Variants in LDLRAD4 observed in about 807,000 individuals in gnomAD.
The protein encoded by LDLRAD4 is low-density lipoprotein receptor class A domain-containing protein 4.
Under a neutral mutation model 17.0 loss-of-function variants are expected in LDLRAD4, and 5 were observed. That is an observed-to-expected ratio of 0.29 (90% CI 0.15 to 0.62). LDLRAD4 has a LOEUF of 0.62. Ranked by LOEUF, LDLRAD4 falls within the 20% of genes least tolerant of loss-of-function variation. The pLI, the probability that LDLRAD4 is intolerant of heterozygous loss-of-function variation, is 0.84. For missense variants in LDLRAD4, 340 were observed against 424.7 expected, an observed-to-expected ratio of 0.80 and a Z score of 1.75; for synonymous variants, 168 against 171.8, an observed-to-expected ratio of 0.98 and a Z score of 0.17.
chr18:13,630,480 A>G (rs1379167860), intron 4 of LDLRAD4, among the ~76,000 whole-genome samples: 1 of 152,238 alleles, frequency 6.6e-6, no homozygotes, highest in African/African-American at 2.4e-5. Context: ...CCAAAGATCA[A>G]TTTCACCTCT....
At chr18:13,428,055 G>A (rs1463921100) in intron 2 of LDLRAD4, among the ~76,000 whole-genome samples, 9 of 152,168 alleles carry the variant, frequency 5.9e-5, no homozygotes, top group South Asian at 2.1e-4. Flanking sequence ...ACACTCTGGG[G>A]ACTCATTAGT....
intron 3 of LDLRAD4, among the ~76,000 whole-genome samples, chr18:13,474,908 T>C (rs189448551): frequency 2.5e-4 from 38 of 152,268 alleles, no homozygotes; most frequent in Admixed American, 2.2e-3. Context: ...TTCCTCATGG[T>C]TTAGCATGAG....
At chr18:13,531,995 A>G (rs570965063) in intron 3 of LDLRAD4, among the ~76,000 whole-genome samples, 53 of 151,802 alleles carry the variant, frequency 3.5e-4, no homozygotes, top group African/African-American at 1.2e-3. Context: ...ACCCCCCACC[A>G]CCCCCAATGT....
In LDLRAD4 at chr18:13,610,415, G is replaced by A. The variant is rs754360012; in HGVS notation, c.182-10702G>A. Among the ~76,000 whole-genome samples the A allele has an allele frequency of 2.0e-4, 30 of 151,568 alleles. 1 individual carries two copies. The highest frequency in any genetic ancestry group is 6.6e-5 in the Admixed American group (1 of 15,236). ...CAATTCTCCTGCCTCAGCCTCCTGAGTAGCTGGGATCACAGGCGTGTGCCA... is the reference window on the plus strand; with the variant it reads ...CAATTCTCCTGCCTCAGCCTCCTGAATAGCTGGGATCACAGGCGTGTGCCA... On this transcript the variant is annotated intron_variant, in intron 3 of 5. Transcript: ENST00000359446.
intron 2 of LDLRAD4, among the ~76,000 whole-genome samples, chr18:13,436,506 G>A (rs1448988832): frequency 6.6e-6 from 1 of 152,152 alleles, no homozygotes; most frequent in Non-Finnish European, 1.5e-5. Context: ...ATTCAGATTA[G>A]TATTCCTTTT....
At chr18:13,374,589 C>G (rs1195372638) in intron 1 of LDLRAD4, among the ~76,000 whole-genome samples, 2 of 152,230 alleles carry the variant, frequency 1.3e-5, no homozygotes, top group African/African-American at 4.8e-5. Flanking sequence ...TCTTCGCTTT[C>G]CCAGAACAGC....
intron 1 of LDLRAD4, chr18:13,236,307 C>CCTTT (rs1555624121): frequency 7.1e-5 from 8 of 113,380 alleles, no homozygotes; most frequent in Admixed American, 9.2e-5. Flanking sequence ...AATAGAAAAA[C>CCTTT]TTTTTTTTTT....
chr18:13,471,863 A>G lies in LDLRAD4; in HGVS notation c.181+33479A>G, dbSNP rs545940692. The G allele has an allele frequency of 5.9e-5, 9 of 152,358 alleles. No homozygotes were observed. In the East Asian group the frequency reaches 7.7e-4, roughly 13 times the overall value. The allele number at this position is 152,358 out of a possible 1,614,324, so 9.4% of individuals were successfully genotyped here. Reference sequence around the variant, plus strand: ...TTTTATTTTATTTTCTTTCAGGCATATATAGAATCTTTGGCACTATAAAAA... The same window carrying G: ...TTTTATTTTATTTTCTTTCAGGCATGTATAGAATCTTTGGCACTATAAAAA... On this transcript the variant is annotated intron_variant, in intron 3 of 5. Transcript: ENST00000359446.
intron 3 of LDLRAD4, among the ~76,000 whole-genome samples, chr18:13,575,469 T>C (rs551836892): frequency 2.0e-5 from 3 of 152,386 alleles, no homozygotes; most frequent in Admixed American, 6.5e-5. Context: ...CACTCATTGA[T>C]TGATGGGCAT....
rs577881229 is a variant in LDLRAD4 at position 13,451,977 on chromosome 18, A to G, written c.181+13593A>G. 3.9e-5 allele frequency among the ~76,000 whole-genome samples: 6 copies of G among 152,318 alleles called. No individual in the cohort carries two copies. In the South Asian group the frequency reaches 1.2e-3, roughly 32 times the overall value. On this transcript the variant is annotated intron_variant, in intron 3 of 5. Coordinates refer to ENST00000359446, the Ensembl canonical transcript of LDLRAD4. ...TTCTTAGGACAGTTCTCCTTCCACT[A>G]GACCCTGTCCTCACACCAACTTGTC...
In LDLRAD4 at chr18:13,413,491, A is replaced by G. The variant is rs144508043; in HGVS notation, c.41-24753A>G. Among the ~76,000 whole-genome samples the G allele has an allele frequency of 3.0e-3, 463 of 152,346 alleles. 1 individual carries two copies. Among genetic ancestry groups the G allele is most frequent in the African/African-American group, 0.01 (426 of 41,586 alleles). ...TTAACCTCATCTCATAGTGTGATCA[A>G]TCGAGGCCTCAGGTCTCTGACCAGG... On this transcript the variant is annotated intron_variant, in intron 2 of 5. Coordinates refer to ENST00000359446, the Ensembl canonical transcript of LDLRAD4.
At chr18:13,286,209 G>A (rs964072586) in intron 1 of LDLRAD4, among the ~76,000 whole-genome samples, 1 of 152,164 alleles carries the variant, frequency 6.6e-6, no homozygotes, top group Non-Finnish European at 1.5e-5. Flanking sequence ...TGTGTCTAGT[G>A]TATTTCACTT....
chr18:13,326,074 T>C (rs997567833), intron 1 of LDLRAD4, among the ~76,000 whole-genome samples: 4 of 152,074 alleles, frequency 2.6e-5, no homozygotes, highest in African/African-American at 9.7e-5. Context: ...GCTGGCAATA[T>C]AAATTTTATA....
chr18:13,584,179 C>T (rs571780229), intron 3 of LDLRAD4, among the ~76,000 whole-genome samples: 11 of 152,226 alleles, frequency 7.2e-5, no homozygotes, highest in Non-Finnish European at 1.5e-4. Context: ...ATGCCCTGGA[C>T]TCCAATTGCT....
At chr18:13,559,013 T>C (rs1367145481) in intron 3 of LDLRAD4, among the ~76,000 whole-genome samples, 5 of 152,108 alleles carry the variant, frequency 3.3e-5, no homozygotes, top group Non-Finnish European at 7.4e-5. Context: ...TTACTGTCAC[T>C]AGACGTGCCA....
At chr18:13,625,817 C>T (rs1301110720) in intron 4 of LDLRAD4, among the ~76,000 whole-genome samples, 1 of 130,198 alleles carries the variant, frequency 7.7e-6, no homozygotes, top group Admixed American at 7.7e-5. Context: ...GCCCTCCTCC[C>T]CCCGCCAGAG....
chr18:13,298,675 C>A (rs548913407), intron 1 of LDLRAD4, among the ~76,000 whole-genome samples: 1 of 151,682 alleles, frequency 6.6e-6, no homozygotes, highest in South Asian at 2.1e-4. Flanking sequence ...CTGCTGTGGG[C>A]ATGGTGATGT....
chr18:13,279,123 C>G (rs1370124271), intron 1 of LDLRAD4, among the ~76,000 whole-genome samples: 1 of 152,204 alleles, frequency 6.6e-6, no homozygotes, highest in Non-Finnish European at 1.5e-5. Context: ...CTCCTCTCTC[C>G]TGAGTGAATT....
At chr18:13,578,894 A>G (rs1033886580) in intron 3 of LDLRAD4, among the ~76,000 whole-genome samples, 4 of 127,746 alleles carry the variant, frequency 3.1e-5, no homozygotes, top group Non-Finnish European at 6.2e-5. Context: ...CTGAGTTAAT[A>G]ATATAATGCT....
Sources: gnomAD v4.1 joint callset for allele counts (sites outside exome capture counted in the v4.1 genomes callset) on GRCh38, gnomAD v4.1.1 for gene constraint, MANE v1.5 for transcripts, NCBI Gene and HGNC (gene_info 2026-07-23, HGNC 2026-07-21) for gene names.